The following RBM20 variants were observed in gnomAD, a reference collection of about 807,000 sequenced individuals.
RBM20 encodes the protein RNA binding motif protein 20.
In RBM20, 51 loss-of-function variants were observed where a neutral mutation model predicts 110.1. The ratio of observed to expected loss-of-function variants is 0.46; its 90% CI spans 0.37 to 0.59. RBM20 has a LOEUF of 0.59. Among genes scored for constraint, RBM20 ranks in the 20% least tolerant of loss-of-function variants. The probability of loss-of-function intolerance (pLI) is 0.00; values close to 1 mark genes in which losing one functional copy is unlikely to be tolerated. For missense variants in RBM20, 1,512 were observed against 1,574.9 expected, an observed-to-expected ratio of 0.96 and a Z score of 0.68; for synonymous variants, 589 against 618.2, an observed-to-expected ratio of 0.95 and a Z score of 0.70.
chr10:110,646,404 A>G (rs932271012), intron 1 of RBM20, among the ~76,000 whole-genome samples: 1 of 152,200 alleles, frequency 6.6e-6, no homozygotes, highest in Non-Finnish European at 1.5e-5. Context: ...CATCTTTGGA[A>G]TATCTAATTT....
At chr10:110,819,312 C>T (rs1364361717) in intron 9 of RBM20, among the ~76,000 whole-genome samples, 2 of 152,262 alleles carry the variant, frequency 1.3e-5, no homozygotes, top group African/African-American at 4.8e-5. Context: ...GTAGGCACTT[C>T]TATAATCACT....
intron 1 of RBM20, among the ~76,000 whole-genome samples, chr10:110,660,816 A>C (rs551051592): frequency 6.6e-6 from 1 of 152,230 alleles, no homozygotes; most frequent in Non-Finnish European, 1.5e-5. Flanking sequence ...GTACACAATA[A>C]ATGTGATATG....
rs2135042229 is a variant in RBM20, at chr10:110,781,201, C to T, written c.592C>T (p.Pro198Ser). Reference protein sequence around the residue: ...NQPPSAMVMHPFTGVMPQTPG... With the variant: ...NQPPSAMVMHSFTGVMPQTPG... Reference sequence around the variant, plus strand: ...GCCACCCAGTGCCATGGTGATGCATCCTTTCACTGGGGTAATGCCTCAGAC... The same window carrying T: ...GCCACCCAGTGCCATGGTGATGCATTCTTTCACTGGGGTAATGCCTCAGAC... Residue 198 changes from proline (P) to serine (S), a missense_variant, in exon 2 of 14, where the codon CCT becomes TCT. Transcript: ENST00000369519. 6.4e-7 allele frequency: 1 copy of T among 1,551,678 alleles called. No homozygotes were observed. Among genetic ancestry groups the T allele is most frequent in the African/African-American group, 1.4e-5 (1 of 73,178 alleles).
intron 1 of RBM20, among the ~76,000 whole-genome samples, chr10:110,649,812 C>T (rs1189577681): frequency 6.6e-6 from 1 of 152,156 alleles, no homozygotes; most frequent in Non-Finnish European, 1.5e-5. Flanking sequence ...CAGAAAGGAG[C>T]ACACGGCAGT....
intron 1 of RBM20, among the ~76,000 whole-genome samples, chr10:110,671,022 CA>C (rs1862249861): frequency 6.6e-6 from 1 of 152,158 alleles, no homozygotes; most frequent in African/African-American, 2.4e-5. Flanking sequence ...TTGGCGCTGC[CA>C]AAGAAAGTCA....
chr10:110,795,253 C>T lies in RBM20; in HGVS notation c.1528-2255C>T, dbSNP rs118031998. On this transcript the variant is annotated intron_variant, in intron 5 of 13. Coordinates refer to ENST00000369519, the MANE Select transcript of RBM20 (RefSeq NM_001134363.3). ...AGGCAAAGATTCTGCTTCTTAATAG[C>T]ACTCCTCCTTTCGTTTCTGCAGAAG... Among the ~76,000 whole-genome samples, 157 of 152,336 alleles carry T rather than the reference C, an allele frequency of 1.0e-3. No individual in the cohort carries two copies. In the East Asian group the frequency reaches 0.028, roughly 27 times the overall value.
rs1460527562 is a variant in RBM20 at position 110,781,013 on chromosome 10, A to G, written c.404A>G (p.Asn135Ser). The change falls in exon 2 of 14, where the codon AAT (asparagine) becomes AGT (serine). Residue 135 changes from asparagine (N) to serine (S), a missense_variant. This residue lies in a region of RBM20 where 1,149 missense variants were observed against 1,169.4 expected (regional missense o/e 0.98). Coordinates refer to ENST00000369519, the MANE Select transcript of RBM20 (RefSeq NM_001134363.3). The part of the protein sequence containing the change: ...SKVAMSQPLF[N>S]QLRHPSVITG... ...GTGGCCATGTCCCAGCCTCTCTTCA[A>G]TCAACTGAGGCATCCGTCTGTGATC... The G allele has an allele frequency of 6.4e-6, 10 of 1,551,828 alleles. No homozygotes were observed. Among genetic ancestry groups the G allele is most frequent in the Non-Finnish European group, 7.0e-6 (8 of 1,147,012 alleles).
At position 110,711,401 on chromosome 10, in the gene RBM20, C is replaced by G. The variant is rs190054133; in HGVS notation, c.191+66756C>G. Among the ~76,000 whole-genome samples, 73 of 150,104 alleles carry G rather than the reference C, an allele frequency of 4.9e-4. 1 individual carries two copies. The East Asian group carries it at 0.011, about 23-fold the overall frequency. ...GTGTGGGAAGGACAGGCCACTGCCA[C>G]CTTTACCCCAAGCTACCACCACTGC... is the stretch of plus-strand genomic sequence containing the variant. On this transcript the variant is annotated intron_variant, in intron 1 of 13. Transcript: ENST00000369519.
rs58914868 is a variant in RBM20, at chr10:110,732,917, G to A, written c.192-47884G>A. On this transcript the variant is annotated intron_variant, in intron 1 of 13. Transcript: ENST00000369519. The stretch of plus-strand genomic sequence containing the variant: ...GGCTGCAGAACCTGGAAACAAGAAT[G>A]ACCAATCTCAGTGACCAATATCATC... 1.1e-3 allele frequency among the ~76,000 whole-genome samples: 172 copies of A among 152,258 alleles called. 5 individuals carry two copies. In the East Asian group the frequency reaches 0.032, roughly 29 times the overall value.
At chr10:110,756,460 G>A (rs1013284716) in intron 1 of RBM20, 1 of 152,272 alleles carries the variant, frequency 6.6e-6, no homozygotes, top group Non-Finnish European at 1.5e-5. Flanking sequence ...GAGGATGGCT[G>A]TGAAAGTGAT....
At chr10:110,722,346 C>A (rs1843518631) in intron 1 of RBM20, among the ~76,000 whole-genome samples, 1 of 151,696 alleles carries the variant, frequency 6.6e-6, no homozygotes, top group South Asian at 2.1e-4. Context: ...CACACATGCA[C>A]AACCTCCCCC....
rs1170141703 is a variant in RBM20, at chr10:110,780,834, G to A, written c.225G>A (p.Ser75=). The A allele has an allele frequency of 5.8e-6, 9 of 1,538,550 alleles. No homozygotes were observed. The highest frequency in any genetic ancestry group is 4.9e-5 in the East Asian group (2 of 40,710). Residue 75 remains serine, a synonymous_variant, in exon 2 of 14, where the codon TCG becomes TCA. Transcript: ENST00000369519. ...AGCTCCTGGACAAGAACCCATTCTC[G>A]GTCAGTAACCCGAACCCTCTGCTTC... ...AAKLLDKNPF[S]VSNPNPLLPS... is the part of the protein sequence containing the mutation.
chr10:110,643,876 G>C (rs1323853824), upstream of RBM20, among the ~76,000 whole-genome samples: 2 of 152,204 alleles, frequency 1.3e-5, no homozygotes, highest in Admixed American at 6.5e-5. Flanking sequence ...GCCAGGCCCG[G>C]CACACTTTGC....
chr10:110,809,739 G>A (rs1487633182), intron 7 of RBM20, among the ~76,000 whole-genome samples: 1 of 152,142 alleles, frequency 6.6e-6, no homozygotes, highest in African/African-American at 2.4e-5. Context: ...AGGTGTTGAA[G>A]GGGGCACAGA....
chr10:110,669,536 G>C (rs1175655934), intron 1 of RBM20, among the ~76,000 whole-genome samples: 3 of 152,214 alleles, frequency 2.0e-5, no homozygotes, highest in Non-Finnish European at 4.4e-5. Flanking sequence ...AACACTTGTA[G>C]GCTCAGAAGA....
intron 1 of RBM20, among the ~76,000 whole-genome samples, chr10:110,687,857 AG>A (rs1479898636): frequency 6.6e-6 from 1 of 152,244 alleles, no homozygotes; most frequent in Admixed American, 6.5e-5. Context: ...CATATAAAAA[AG>A]GTACACAAAT....
At position 110,836,011 on chromosome 10, in the gene RBM20, C is replaced by A; in HGVS notation, c.*33C>A. On this transcript the variant is annotated 3_prime_UTR_variant, in exon 14 of 14. Transcript: ENST00000369519. ...GCTTCTGCTGCTACTGCTGCTGCTGCAAGGTTGGAAAGGAGAGCTTGCTGA... is the reference window on the plus strand; with the variant it reads ...GCTTCTGCTGCTACTGCTGCTGCTGAAAGGTTGGAAAGGAGAGCTTGCTGA... 1.1e-6 allele frequency: 1 copy of A among 876,586 alleles called. No individual in the cohort carries two copies. Among genetic ancestry groups the A allele is most frequent in the Non-Finnish European group, 1.8e-6 (1 of 552,248 alleles). The allele number at this position is 876,586 out of a possible 1,614,324, so 54.3% of individuals were successfully genotyped here.
Position 110,790,083 on chromosome 10 carries a change from C to T in RBM20, c.1527+5194C>T, listed in dbSNP as rs144542115. On this transcript the variant is annotated intron_variant, in intron 5 of 13. Coordinates refer to ENST00000369519, the MANE Select transcript of RBM20 (RefSeq NM_001134363.3). ...TTATTTATTTCTCGCCAAGACCCTG[C>T]ACATTGGGGAACTTGTATAAATAAG... Among the ~76,000 whole-genome samples the T allele has an allele frequency of 6.7e-4, 102 of 152,276 alleles. No individual in the cohort carries two copies. The East Asian group carries it at 0.019, about 28-fold the overall frequency.
chr10:110,767,540 C>T (rs1485267327), intron 1 of RBM20, among the ~76,000 whole-genome samples: 1 of 148,110 alleles, frequency 6.8e-6, no homozygotes, highest in South Asian at 2.1e-4. Flanking sequence ...GACGGGGCGG[C>T]TGCCGGGCGG....
Sources: gnomAD v4.1 joint callset for allele counts (sites outside exome capture counted in the v4.1 genomes callset) on GRCh38, gnomAD v4.1.1 for gene constraint, gnomAD v4.1.1 regional missense constraint, MANE v1.5 for transcripts, NCBI Gene and HGNC (gene_info 2026-07-23, HGNC 2026-07-21) for gene names.